The following TRIO variants were observed in gnomAD, a reference collection of about 807,000 sequenced individuals.
TRIO encodes the protein triple functional domain protein.
A neutral mutation model predicts 351.9 loss-of-function variants in TRIO; 58 were observed. The observed-to-expected ratio is 0.16, with a 90% CI of 0.13 to 0.21. The LOEUF is 0.21. TRIO is among the 10% of genes least tolerant of loss of function. The probability of loss-of-function intolerance (pLI) is 1.00; values close to 1 mark genes in which losing one functional copy is unlikely to be tolerated. For synonymous variants in TRIO, 1,758 were observed against 1,595.7 expected (o/e 1.10, Z -2.42); for missense variants, 3,201 against 4,027.8 (o/e 0.79, Z 5.56).
At chr5:14,208,683 TA>T (rs1276597729) in intron 1 of TRIO, among the ~76,000 whole-genome samples, 2 of 152,222 alleles carry the variant, frequency 1.3e-5, no homozygotes, top group Non-Finnish European at 2.9e-5. Flanking sequence ...TTGTAACAAA[TA>T]GCTGACTCTC....
At chr5:14,243,032 C>T (rs1794223742) in intron 1 of TRIO, among the ~76,000 whole-genome samples, 3 of 152,220 alleles carry the variant, frequency 2.0e-5, no homozygotes, top group Non-Finnish European at 4.4e-5. Context: ...CTCTCACAGC[C>T]ACATCTGCAA....
chr5:14,286,418 G>T lies in TRIO; in HGVS notation c.348-453G>T, dbSNP rs892972910. On this transcript the variant is annotated intron_variant, in intron 3 of 56. Transcript: ENST00000344204. This position sits in a 1 kb window ranked among gnomAD's most constrained non-coding sequence, Gnocchi z 4.4. ...CAGCACCTGGGGTGCTGGGAGTCCTGGGGTAACTGCCGTCCACAGGTCTCA... is the reference window on the plus strand; with the variant it reads ...CAGCACCTGGGGTGCTGGGAGTCCTTGGGTAACTGCCGTCCACAGGTCTCA... 1.3e-5 allele frequency among the ~76,000 whole-genome samples: 2 copies of T among 152,076 alleles called. No individual in the cohort carries two copies. Among genetic ancestry groups the T allele is most frequent in the Non-Finnish European group, 2.9e-5 (2 of 68,010 alleles).
At chr5:14,400,671 G>T (rs1747996980) in intron 30 of TRIO, among the ~76,000 whole-genome samples, 1 of 152,172 alleles carries the variant, frequency 6.6e-6, no homozygotes. Flanking sequence ...AATCTTGATT[G>T]TCAGATAGTA....
chr5:14,347,925 A>C (rs1742582897), intron 11 of TRIO, among the ~76,000 whole-genome samples: 1 of 152,192 alleles, frequency 6.6e-6, no homozygotes, highest in Non-Finnish European at 1.5e-5. Context: ...TTAATATATG[A>C]GTGTTTTGAA....
chr5:14,208,887 C>T lies in TRIO; in HGVS notation c.158-61938C>T, dbSNP rs555749314. Among the ~76,000 whole-genome samples, 5 of 152,320 alleles carry T rather than the reference C, an allele frequency of 3.3e-5. No homozygotes were observed. The East Asian group carries it at 5.8e-4, about 18-fold the overall frequency. On this transcript the variant is annotated intron_variant, in intron 1 of 56. Coordinates refer to ENST00000344204, the MANE Select transcript of TRIO (RefSeq NM_007118.4). ...CTGGTTCTAAGGGTTGCCTCATTTT[C>T]GAATCATCCTATTCTCAGTTAAACT...
Position 14,381,261 on chromosome 5 carries a change from A to G in TRIO, c.3570+9A>G, listed in dbSNP as rs146993126. On this transcript the variant is annotated intron_variant, in intron 21 of 56. Coordinates refer to ENST00000344204, the MANE Select transcript of TRIO (RefSeq NM_007118.4). ...TCCAGATAACTGCAAAGGTGGGTTC[A>G]GAGTGTACTTTGTATAGTGGCCTCT... The G allele has an allele frequency of 2.0e-4, 317 of 1,604,284 alleles. 2 individuals carry two copies. In the East Asian group the frequency reaches 6.1e-3, roughly 31 times the overall value.
intron 1 of TRIO, among the ~76,000 whole-genome samples, chr5:14,251,611 T>G (rs1208796818): frequency 7.2e-5 from 11 of 152,184 alleles, no homozygotes; most frequent in Non-Finnish European, 2.9e-5. Context: ...TCTTTCTCCC[T>G]CTGGACAGCA....
At chr5:14,429,948 A>G (rs28680318) in intron 34 of TRIO, among the ~76,000 whole-genome samples, 56 of 152,174 alleles carry the variant, frequency 3.7e-4, no homozygotes, top group African/African-American at 1.3e-3. Context: ...TAGATGTGTA[A>G]TACTTCATGT....
chr5:14,323,653 G>A (rs1027051834), intron 9 of TRIO, among the ~76,000 whole-genome samples: 1 of 152,218 alleles, frequency 6.6e-6, no homozygotes, highest in Admixed American at 6.5e-5. Flanking sequence ...AGACAGCTGG[G>A]GGTGAATAAT....
intron 55 of TRIO, among the ~76,000 whole-genome samples, chr5:14,505,735 A>G (rs1002343815): frequency 6.6e-6 from 1 of 152,112 alleles, no homozygotes; most frequent in Non-Finnish European, 1.5e-5. Flanking sequence ...CCCATGTGCC[A>G]TGGGTGACAG....
intron 34 of TRIO, among the ~76,000 whole-genome samples, chr5:14,449,669 A>G (rs560392804): frequency 6.6e-6 from 1 of 152,222 alleles, no homozygotes; most frequent in Non-Finnish European, 1.5e-5. Flanking sequence ...CAGGACATGT[A>G]TAACTCCAGT....
At chr5:14,345,584 A>T (rs533588953) in intron 11 of TRIO, among the ~76,000 whole-genome samples, 18 of 152,324 alleles carry the variant, frequency 1.2e-4, no homozygotes, top group African/African-American at 4.8e-5. Context: ...TTTTTGAGAC[A>T]TAGTCTCACT....
intron 15 of TRIO, 32 bp from the exon 16 acceptor site, chr5:14,366,828 A>G: frequency 1.2e-6 from 2 of 1,613,322 alleles, no homozygotes; most frequent in Non-Finnish European, 8.5e-7. Context: ...TGGGAAGTCC[A>G]CTGCTTGGAG....
At chr5:14,339,670 G>A (rs562598099) in intron 11 of TRIO, among the ~76,000 whole-genome samples, 31 of 152,296 alleles carry the variant, frequency 2.0e-4, no homozygotes, top group Admixed American at 5.2e-4. Flanking sequence ...ACGTGTGCCC[G>A]TGTGATTGGC....
intron 1 of TRIO, among the ~76,000 whole-genome samples, chr5:14,162,927 C>T (rs997466154): frequency 2.1e-5 from 3 of 144,430 alleles, no homozygotes; most frequent in Admixed American, 6.8e-5. Flanking sequence ...CTGCCTCAGC[C>T]TCCTGAGTAG....
Position 14,398,864 on chromosome 5 carries a change from T to C in TRIO, c.4424-16T>C. 1.9e-6 allele frequency: 3 copies of C among 1,575,844 alleles called. No homozygotes were observed. The highest frequency in any genetic ancestry group is 2.0e-5 in the Admixed American group (1 of 51,238). Reference sequence around the variant, plus strand: ...TTTCTTTTAAATTGATTTGCCTCCCTTTTTTCATGTTGTAGGGTTTGATGA... The same window carrying C: ...TTTCTTTTAAATTGATTTGCCTCCCCTTTTTCATGTTGTAGGGTTTGATGA... On this transcript the variant is annotated splice_polypyrimidine_tract_variant and intron_variant, in intron 29 of 56. Coordinates refer to ENST00000344204, the MANE Select transcript of TRIO (RefSeq NM_007118.4).
rs141596572 is a variant in TRIO, at chr5:14,156,473, T to C, written c.157+12591T>C. Among the ~76,000 whole-genome samples the C allele has an allele frequency of 3.6e-4, 55 of 152,328 alleles. No individual in the cohort carries two copies. In the East Asian group the frequency reaches 8.9e-3, roughly 25 times the overall value. ...GACATTAATTACACATATGCAAACG[T>C]GATTGAGATCTCTTTCTGCACCTCT... On this transcript the variant is annotated intron_variant, in intron 1 of 56. Transcript: ENST00000344204.
rs1224995958 is a variant in TRIO, at chr5:14,364,881, C to T, written c.2754+65C>T. On this transcript the variant is annotated intron_variant, in intron 15 of 56. Coordinates refer to ENST00000344204, the MANE Select transcript of TRIO (RefSeq NM_007118.4). The stretch of plus-strand genomic sequence containing the variant: ...GATGCTTGATACCTCATCGACTTCC[C>T]GGAAATTCTGACCTGTAGCATTGGG... 26 of 1,518,704 alleles carry T rather than the reference C, an allele frequency of 1.7e-5. 1 individual carries two copies. Among genetic ancestry groups the T allele is most frequent in the Middle Eastern group, 2.4e-4 (1 of 4,090 alleles). The allele number at this position is 1,518,704 out of a possible 1,614,324, so 94.1% of individuals were successfully genotyped here.
intron 1 of TRIO, among the ~76,000 whole-genome samples, chr5:14,244,915 G>A (rs1228001833): frequency 6.6e-6 from 1 of 152,166 alleles, no homozygotes; most frequent in Non-Finnish European, 1.5e-5. Context: ...GGGCTGCAAG[G>A]GCAGCTAGGG....
Sources: gnomAD v4.1 joint callset for allele counts (sites outside exome capture counted in the v4.1 genomes callset) on GRCh38, gnomAD v4.1.1 for gene constraint, Gnocchi (gnomAD v3.1) non-coding constraint, MANE v1.5 for transcripts, NCBI Gene and HGNC (gene_info 2026-07-23, HGNC 2026-07-21) for gene names.